The following SV2C variants were observed in gnomAD, a reference collection of about 807,000 sequenced individuals.
SV2C encodes the protein solute carrier family 22 member B3.
In SV2C, 49 loss-of-function variants were observed where a neutral mutation model predicts 79.7. The ratio of observed to expected loss-of-function variants is 0.61; its 90% CI spans 0.49 to 0.78. The LOEUF is 0.78. Among genes scored for constraint, SV2C ranks in the 30% least tolerant of loss-of-function variants. The probability of loss-of-function intolerance (pLI) is 0.00; values close to 1 mark genes in which losing one functional copy is unlikely to be tolerated. For missense variants in SV2C, 833 were observed against 912.9 expected, an observed-to-expected ratio of 0.91 and a Z score of 1.13; for synonymous variants, 334 against 333.2, an observed-to-expected ratio of 1.00 and a Z score of -0.03.
chr5:76,252,722 C>G (rs1477943525), intron 4 of SV2C, among the ~76,000 whole-genome samples: 1 of 152,080 alleles, frequency 6.6e-6, no homozygotes, highest in African/African-American at 2.4e-5. Context: ...GCTAGTAGAT[C>G]GTTAACAATT....
In SV2C at chr5:76,213,674, T is replaced by C. The variant is rs149795538; in HGVS notation, c.913+3787T>C. 1.5e-3 allele frequency among the ~76,000 whole-genome samples: 234 copies of C among 152,322 alleles called. 1 individual carries two copies. The highest frequency in any genetic ancestry group is 5.4e-3 in the African/African-American group (226 of 41,572). On this transcript the variant is annotated intron_variant, in intron 4 of 12. Coordinates refer to ENST00000502798, the MANE Select transcript of SV2C (RefSeq NM_014979.4). ...GTACAACTTGAAGGTTTGATATATG[T>C]GTACATTGTGAAATGATTACCACAA...
intron 6 of SV2C, among the ~76,000 whole-genome samples, chr5:76,288,522 T>C (rs1245309886): frequency 6.6e-6 from 1 of 152,170 alleles, no homozygotes; most frequent in Admixed American, 6.5e-5. Context: ...TCTTGAGACA[T>C]TATCTGGATA....
chr5:76,336,509 G>C (rs1288612952), downstream of SV2C, among the ~76,000 whole-genome samples: 2 of 152,194 alleles, frequency 1.3e-5, no homozygotes, highest in Non-Finnish European at 2.9e-5. Context: ...GGCAGAGGCT[G>C]CAATCTCGGC....
the SV2C span, among the ~76,000 whole-genome samples, chr5:75,966,341 G>A: frequency 7.2e-5 from 11 of 152,278 alleles, no homozygotes; most frequent in South Asian, 2.3e-3. Flanking sequence ...ACTTTTGGTA[G>A]TCAAAATATG....
the SV2C span, among the ~76,000 whole-genome samples, chr5:75,966,990 A>G: frequency 6.6e-6 from 1 of 152,156 alleles, no homozygotes; most frequent in Non-Finnish European, 1.5e-5. Context: ...ATTGTTGAGC[A>G]TTGCATTAAT....
At chr5:76,340,995 A>G (rs1209079829) in intron 12 of SV2C, among the ~76,000 whole-genome samples, 1 of 149,144 alleles carries the variant, frequency 6.7e-6, no homozygotes, top group Non-Finnish European at 1.5e-5. Flanking sequence ...CACTAGTGCA[A>G]TCTCGGCTCA....
At chr5:76,033,695 T>G in the SV2C span, among the ~76,000 whole-genome samples, 1 of 152,222 alleles carries the variant, frequency 6.6e-6, no homozygotes. Context: ...GCCTCCAGCT[T>G]TGTTCTTTTG....
chr5:76,265,248 G>A (rs369367324), intron 4 of SV2C, among the ~76,000 whole-genome samples: 1 of 152,162 alleles, frequency 6.6e-6, no homozygotes, highest in Non-Finnish European at 1.5e-5. Flanking sequence ...CCTTAGTGCC[G>A]ACAGTGGGAA....
intron 6 of SV2C, among the ~76,000 whole-genome samples, chr5:76,286,472 C>T (rs2112497640): frequency 6.6e-6 from 1 of 152,064 alleles, no homozygotes; most frequent in South Asian, 2.1e-4. Flanking sequence ...GTTAGGACCA[C>T]CATGAGGCCT....
chr5:76,277,598 A>G (rs1747060746), intron 4 of SV2C, among the ~76,000 whole-genome samples: 1 of 151,964 alleles, frequency 6.6e-6, no homozygotes, highest in Admixed American at 6.6e-5. Flanking sequence ...ATATGGTGAA[A>G]CTCCGTCTCT....
intron 2 of SV2C, among the ~76,000 whole-genome samples, chr5:76,138,100 G>A (rs1638334708): frequency 6.6e-6 from 1 of 152,168 alleles, no homozygotes; most frequent in Non-Finnish European, 1.5e-5. Context: ...ATAAGGTTTG[G>A]CTCCTATTAC....
chr5:75,889,290 C>T, the SV2C span, among the ~76,000 whole-genome samples: 1 of 140,000 alleles, frequency 7.1e-6, no homozygotes, highest in Non-Finnish European at 1.5e-5. Context: ...GTGATGTTCT[C>T]CTCCCTGTGT....
intron 4 of SV2C, among the ~76,000 whole-genome samples, chr5:76,242,888 G>A (rs946293491): frequency 6.6e-6 from 1 of 151,342 alleles, no homozygotes; most frequent in African/African-American, 2.4e-5. Flanking sequence ...TAAAAAATTA[G>A]TAGTAGTCCC....
At chr5:76,337,308 T>G (rs1749348775), downstream of SV2C, among the ~76,000 whole-genome samples, 1 of 152,062 alleles carries the variant, frequency 6.6e-6, no homozygotes, top group African/African-American at 2.4e-5. Context: ...CCCTTTCTTA[T>G]AAGGAAACCA....
chr5:76,280,447 C>T (rs1747150271), intron 4 of SV2C, among the ~76,000 whole-genome samples: 1 of 152,164 alleles, frequency 6.6e-6, no homozygotes, highest in African/African-American at 2.4e-5. Context: ...GATTGTGGTC[C>T]AATTCCTTGG....
chr5:75,882,516 T>C, the SV2C span, among the ~76,000 whole-genome samples: 2 of 152,158 alleles, frequency 1.3e-5, no homozygotes, highest in South Asian at 4.2e-4. Context: ...AAGGCTACAG[T>C]AACCAAAACA....
chr5:76,328,702 C>A lies in SV2C; in HGVS notation c.*3155C>A, dbSNP rs1450868980. ...AGGATTGGGACTAGTCTGCTCTCCA[C>A]TCTCCAGCATTGTAGAAGACAGTAA... On this transcript the variant is annotated 3_prime_UTR_variant, in exon 13 of 13. Coordinates refer to ENST00000502798, the MANE Select transcript of SV2C (RefSeq NM_014979.4). The A allele has an allele frequency of 2.0e-5, 3 of 152,196 alleles. No individual in the cohort carries two copies. Among genetic ancestry groups the A allele is most frequent in the Non-Finnish European group, 4.4e-5 (3 of 68,042 alleles). 9.4% of individuals were successfully genotyped at this position (152,196 alleles called of 1,614,324 possible). A position where few individuals can be genotyped will look rare whatever the true frequency, so the allele number is the denominator to read the frequency against.
chr5:76,141,781 G>T (rs1352250782), intron 2 of SV2C, among the ~76,000 whole-genome samples: 3 of 122,824 alleles, frequency 2.4e-5, no homozygotes, highest in Admixed American at 1.1e-4. Context: ...CCAAGATCAC[G>T]CCACTGCACT....
At chr5:75,884,828 A>G in the SV2C span, among the ~76,000 whole-genome samples, 1 of 152,064 alleles carries the variant, frequency 6.6e-6, no homozygotes, top group Non-Finnish European at 1.5e-5. Context: ...ATTAAAATAG[A>G]AAAAGAAAAA....
Sources: gnomAD v4.1 joint callset for allele counts (sites outside exome capture counted in the v4.1 genomes callset) on GRCh38, gnomAD v4.1.1 for gene constraint, MANE v1.5 for transcripts, NCBI Gene and HGNC (gene_info 2026-07-23, HGNC 2026-07-21) for gene names.